FARS2: variants seen among roughly 807,000 people sequenced by gnomAD.
FARS2 encodes the protein phenylalanine--tRNA ligase, mitochondrial.
A neutral mutation model predicts 46.4 loss-of-function variants in FARS2; 40 were observed. The observed-to-expected ratio is 0.86, with a 90% CI of 0.67 to 1.12. FARS2 has a LOEUF of 1.12. FARS2 is among the 50% of genes most tolerant of loss of function. FARS2 has a pLI of 0.00. For synonymous variants in FARS2, 234 were observed against 214.9 expected, an observed-to-expected ratio of 1.09 and a Z score of -0.78; for missense variants, 513 against 567.9, an observed-to-expected ratio of 0.90 and a Z score of 0.98.
chr6:5,541,253 C>T (rs1246077419), intron 4 of FARS2, among the ~76,000 whole-genome samples: 1 of 152,134 alleles, frequency 6.6e-6, no homozygotes, highest in Non-Finnish European at 1.5e-5. Context: ...CTGAGAGTAA[C>T]CGTTGAGAAA....
chr6:5,426,333 T>A (rs1421076697), intron 3 of FARS2, among the ~76,000 whole-genome samples: 1 of 152,180 alleles, frequency 6.6e-6, no homozygotes, highest in East Asian at 1.9e-4. Context: ...TATTAATATA[T>A]AACACAAAAT....
intron 4 of FARS2, among the ~76,000 whole-genome samples, chr6:5,494,521 G>T (rs1203728332): frequency 2.0e-5 from 3 of 152,276 alleles, no homozygotes; most frequent in South Asian, 4.2e-4. Flanking sequence ...CAAATTTTCT[G>T]TTTGCACTGT....
intron 6 of FARS2, among the ~76,000 whole-genome samples, chr6:5,634,192 CTT>C (rs1409770299): frequency 6.6e-6 from 1 of 152,228 alleles, no homozygotes; most frequent in Non-Finnish European, 1.5e-5. Flanking sequence ...GAGAATCAAA[CTT>C]TTATTTTTCT....
chr6:5,459,951 A>T (rs996526467), intron 4 of FARS2, among the ~76,000 whole-genome samples: 1 of 147,118 alleles, frequency 6.8e-6, no homozygotes, highest in Non-Finnish European at 1.5e-5. Flanking sequence ...GTGAAATATG[A>T]GGACTTAGCC....
intron 6 of FARS2, among the ~76,000 whole-genome samples, chr6:5,661,396 A>C (rs993067725): frequency 6.6e-6 from 1 of 152,234 alleles, no homozygotes; most frequent in Non-Finnish European, 1.5e-5. Flanking sequence ...AATGTATTTG[A>C]AACTGAAGTA....
At position 5,287,819 on chromosome 6, in the gene FARS2, G is replaced by A. The variant is rs138939122; in HGVS notation, c.-22+26159G>A. ...CTTCTTCAAATTACTCCAGCCCCAT[G>A]TGGCTCCAGTTGTTTTTTTCAAGAG... is the stretch of plus-strand genomic sequence containing the variant. On this transcript the variant is annotated intron_variant, in intron 1 of 6. Coordinates refer to ENST00000274680, the MANE Select transcript of FARS2 (RefSeq NM_006567.5). Among the ~76,000 whole-genome samples the A allele has an allele frequency of 3.9e-5, 6 of 152,268 alleles. No homozygotes were observed. The East Asian group carries it at 7.7e-4, about 20-fold the overall frequency.
At position 5,771,428 on chromosome 6, in the gene FARS2, G is replaced by A. The variant is rs750200609; in HGVS notation, c.1355G>A (p.Ter452=). The change falls in exon 7 of 7, where the codon TGA becomes TAA. Residue 452 remains the stop codon, a stop_retained_variant. Coordinates refer to ENST00000274680, the MANE Select transcript of FARS2 (RefSeq NM_006567.5). ...VQLLGVEGRF[*] ...CTGTTGGGTGTGGAGGGCAGGTTCT[G>A]ATGTCACCACTTCACTCAGGCTGCA... 2 of 1,611,774 alleles carry A rather than the reference G, an allele frequency of 1.2e-6. No individual in the cohort carries two copies.
In FARS2 at chr6:5,608,626, T is replaced by C. The variant is rs1357295436; in HGVS notation, c.1066-4543T>C. Among the ~76,000 whole-genome samples, 16 of 151,730 alleles carry C rather than the reference T, an allele frequency of 1.1e-4. No individual in the cohort carries two copies. The South Asian group carries it at 3.4e-3, about 32-fold the overall frequency. The stretch of plus-strand genomic sequence containing the variant: ...CCAGATTCAATTTAGATATATTGCA[T>C]AGGATGGGCCAACAATCATTTTTAT... On this transcript the variant is annotated intron_variant, in intron 5 of 6. Coordinates refer to ENST00000274680, the MANE Select transcript of FARS2 (RefSeq NM_006567.5).
chr6:5,556,213 T>C (rs1771648233), intron 5 of FARS2, among the ~76,000 whole-genome samples: 1 of 152,130 alleles, frequency 6.6e-6, no homozygotes, highest in South Asian at 2.1e-4. Flanking sequence ...AACATGTTCC[T>C]TTTGCATAGA....
chr6:5,710,763 A>G (rs949963665), intron 6 of FARS2, among the ~76,000 whole-genome samples: 1 of 152,176 alleles, frequency 6.6e-6, no homozygotes, highest in African/African-American at 2.4e-5. Flanking sequence ...CTGGGCACTG[A>G]TCGATATATG....
intron 1 of FARS2, among the ~76,000 whole-genome samples, chr6:5,334,679 T>A (rs1331421219): frequency 1.3e-5 from 2 of 152,210 alleles, no homozygotes; most frequent in African/African-American, 4.8e-5. Context: ...TGTATACTTA[T>A]ACATACAAGA....
rs965780712 is a variant in FARS2 at position 5,771,381 on chromosome 6, C to G, written c.1308C>G (p.Ala436=). 6.8e-6 allele frequency: 11 copies of G among 1,614,152 alleles called. No individual in the cohort carries two copies. Among genetic ancestry groups the G allele is most frequent in the African/African-American group, 1.3e-5 (1 of 74,964 alleles). Residue 436 remains alanine, a synonymous_variant, in exon 7 of 7, where the codon GCC becomes GCG. Transcript: ENST00000274680. Reference sequence around the variant, plus strand: ...GAGAGGTCAGGCACATCCACCAGGCCTTGCAGGAGGCTGCAGTCCAGCTGT... The same window carrying G: ...GAGAGGTCAGGCACATCCACCAGGCGTTGCAGGAGGCTGCAGTCCAGCTGT... ...SQREVRHIHQ[A]LQEAAVQLLG...
rs115387213 is a variant in FARS2, at chr6:5,454,984, A to C, written c.904+23812A>C. Reference sequence around the variant, plus strand: ...CCAATTGTGATTATGTCTTTATTTAATGTCATTGATTCTAGCTTCCCCTTC... The same window carrying C: ...CCAATTGTGATTATGTCTTTATTTACTGTCATTGATTCTAGCTTCCCCTTC... On this transcript the variant is annotated intron_variant, in intron 4 of 6. Coordinates refer to ENST00000274680, the MANE Select transcript of FARS2 (RefSeq NM_006567.5). Among the ~76,000 whole-genome samples the C allele has an allele frequency of 7.2e-3, 1,089 of 152,176 alleles. 14 individuals carry two copies. Among genetic ancestry groups the C allele is most frequent in the African/African-American group, 0.025 (1,038 of 41,516 alleles).
At chr6:5,318,967 GCTTCA>G (rs567438756) in intron 1 of FARS2, among the ~76,000 whole-genome samples, 592 of 152,238 alleles carry the variant, frequency 3.9e-3, no homozygotes, top group Non-Finnish European at 5.3e-3. Flanking sequence ...TCCTGTCTCA[GCTTCA>G]GCAACCTGGG....
upstream of FARS2, chr6:5,260,805 A>G (rs1368733106): frequency 2.6e-6 from 4 of 1,531,088 alleles, no homozygotes; most frequent in Middle Eastern, 1.9e-4. Context: ...ACGAAACTCC[A>G]GCCTGTGCGG....
chr6:5,380,813 T>C (rs952786630), intron 2 of FARS2, among the ~76,000 whole-genome samples: 5 of 152,164 alleles, frequency 3.3e-5, no homozygotes, highest in African/African-American at 1.2e-4. Context: ...TCTGCAAAAT[T>C]GTAAACTTTT....
At chr6:5,556,649 A>G (rs1372293057) in intron 5 of FARS2, among the ~76,000 whole-genome samples, 2 of 148,702 alleles carry the variant, frequency 1.3e-5, no homozygotes, top group East Asian at 2.0e-4. Flanking sequence ...TTGTAACTCC[A>G]TATTTCTTTC....
At chr6:5,673,926 G>C (rs1257641533) in intron 6 of FARS2, among the ~76,000 whole-genome samples, 1 of 152,006 alleles carries the variant, frequency 6.6e-6, no homozygotes, top group Non-Finnish European at 1.5e-5. Flanking sequence ...CTGGATGGTA[G>C]GTTTATGGAA....
chr6:5,260,416 G>T (rs1581623664), upstream of FARS2, among the ~76,000 whole-genome samples: 1 of 152,202 alleles, frequency 6.6e-6, no homozygotes, highest in East Asian at 1.9e-4. Flanking sequence ...GGGGGAAAAC[G>T]TCACAAGACA....
Sources: allele counts gnomAD v4.1 joint callset (sites outside exome capture counted in the v4.1 genomes callset), GRCh38; gene constraint gnomAD v4.1.1; transcripts MANE v1.5; gene names NCBI Gene and HGNC (gene_info 2026-07-23, HGNC 2026-07-21).